MAP7: variants seen among roughly 807,000 people sequenced by gnomAD.
MAP7 encodes microtubule associated protein 7.
In MAP7, 52 loss-of-function variants were observed where a neutral mutation model predicts 94.8. The observed-to-expected ratio is 0.55, with a 90% CI of 0.44 to 0.69. The LOEUF is 0.69. MAP7 is among the 30% of genes least tolerant of loss of function. The pLI, the probability that MAP7 is intolerant of heterozygous loss-of-function variation, is 0.00. For synonymous variants in MAP7, 350 were observed against 357.0 expected (o/e 0.98, Z 0.22); for missense variants, 940 against 964.6 (o/e 0.97, Z 0.34).
intron 1 of MAP7, among the ~76,000 whole-genome samples, chr6:136,443,741 C>G (rs114816199): frequency 2.0e-5 from 3 of 152,046 alleles, no homozygotes; most frequent in Non-Finnish European, 2.9e-5. Context: ...TGAGCCACCA[C>G]GCCTGGCCCC....
At chr6:136,540,412 G>A (rs1202821859) in intron 1 of MAP7, among the ~76,000 whole-genome samples, 1 of 149,228 alleles carries the variant, frequency 6.7e-6, no homozygotes, top group Non-Finnish European at 1.5e-5. Context: ...GAGGAAGGCA[G>A]TGTAGGAGCT....
intron 1 of MAP7, among the ~76,000 whole-genome samples, chr6:136,500,957 G>GA (rs142838544): frequency 0.12 from 17,637 of 151,608 alleles, 1,210 homozygotes; most frequent in East Asian, 0.15. Context: ...GAAAAAGACG[G>GA]AAAAAAAATA....
At chr6:136,385,485 T>C (rs1778952599) in intron 5 of MAP7, among the ~76,000 whole-genome samples, 1 of 152,150 alleles carries the variant, frequency 6.6e-6, no homozygotes, top group African/African-American at 2.4e-5. Context: ...TATGCTTTAG[T>C]TGGGGGAAAA....
chr6:136,523,528 C>T (rs1436625575), intron 1 of MAP7, among the ~76,000 whole-genome samples: 1 of 152,192 alleles, frequency 6.6e-6, no homozygotes, highest in African/African-American at 2.4e-5. Flanking sequence ...GTGAATATTC[C>T]TATTGTTAAG....
intron 1 of MAP7, among the ~76,000 whole-genome samples, chr6:136,469,443 G>A (rs1421182042): frequency 1.3e-5 from 2 of 151,900 alleles, no homozygotes; most frequent in African/African-American, 2.4e-5. Context: ...GTGCAGTGGT[G>A]TGATCTTGGC....
At chr6:136,420,089 A>G (rs938443452) in intron 2 of MAP7, 3 of 850,620 alleles carry the variant, frequency 3.5e-6, no homozygotes, top group South Asian at 1.3e-5. Flanking sequence ...TCAGTCTCCA[A>G]CTTAAAGGAA....
rs766554059 is a variant in MAP7 at position 136,372,517 on chromosome 6, A to T, written c.860T>A (p.Ile287Asn). 6.2e-7 allele frequency: 1 copy of T among 1,614,088 alleles called. No individual in the cohort carries two copies. The highest frequency in any genetic ancestry group is 2.2e-5 in the East Asian group (1 of 44,868). ...TPPEGSSRRR[I>N]IHGTASYKKE... ...GCTACTCACCGCTGTGCCATGAATGATCCTCCTGCGAGAAGAGCCCTCAGG... is the reference window on the plus strand; with the variant it reads ...GCTACTCACCGCTGTGCCATGAATGTTCCTCCTGCGAGAAGAGCCCTCAGG... Residue 287 changes from isoleucine (I) to asparagine (N), a missense_variant, in exon 8 of 18, where the codon ATC becomes AAC. Ile to Asn is a moderately radical substitution (Grantham distance 149). Transcript: ENST00000354570.
At chr6:136,522,907 T>C (rs1003839918) in intron 1 of MAP7, among the ~76,000 whole-genome samples, 39 of 152,154 alleles carry the variant, frequency 2.6e-4, no homozygotes, top group African/African-American at 9.2e-4. Context: ...TGGTGGCATG[T>C]GCCTGTAATT....
At chr6:136,389,243 T>A in intron 4 of MAP7, 111 bp downstream of exon 4, 10 of 1,460,042 alleles carry the variant, frequency 6.8e-6, no homozygotes, top group Non-Finnish European at 9.0e-6. Context: ...AGCTGATCAC[T>A]CTGAAACCAT....
intron 3 of MAP7, among the ~76,000 whole-genome samples, chr6:136,404,069 A>G (rs964591841): frequency 1.3e-5 from 2 of 151,964 alleles, no homozygotes; most frequent in African/African-American, 4.8e-5. Flanking sequence ...TTTTTCCTGG[A>G]CAGTCTCTAA....
intron 1 of MAP7, among the ~76,000 whole-genome samples, chr6:136,500,197 A>G (rs1819450774): frequency 6.6e-6 from 1 of 152,230 alleles, no homozygotes; most frequent in Non-Finnish European, 1.5e-5. Context: ...AAATTAAATT[A>G]TCTATACAAA....
chr6:136,360,861 G>C, intron 12 of MAP7, 63 bp from the exon 13 acceptor site: 1 of 1,580,350 alleles, frequency 6.3e-7, no homozygotes, highest in Non-Finnish European at 8.6e-7. Context: ...TCTCCCAGGG[G>C]GTGCCCAGAG....
intron 2 of MAP7, among the ~76,000 whole-genome samples, chr6:136,417,504 T>C (rs1789881990): frequency 6.6e-6 from 1 of 152,228 alleles, no homozygotes; most frequent in Non-Finnish European, 1.5e-5. Context: ...CTACAGTAAA[T>C]ACTTCTGTAT....
chr6:136,514,033 C>T (rs957645881), intron 1 of MAP7, among the ~76,000 whole-genome samples: 1 of 152,148 alleles, frequency 6.6e-6, no homozygotes, highest in South Asian at 2.1e-4. Context: ...TGGTGCCATC[C>T]CCGCTGGAGT....
At chr6:136,393,800 T>C (rs1355356664) in intron 3 of MAP7, among the ~76,000 whole-genome samples, 2 of 5,924 alleles carry the variant, frequency 3.4e-4, no homozygotes, top group African/African-American at 7.4e-4. Context: ...TCAGCAAAAT[T>C]TTTTTTTTTT....
At chr6:136,458,622 T>C (rs1217620912) in intron 1 of MAP7, among the ~76,000 whole-genome samples, 1 of 152,010 alleles carries the variant, frequency 6.6e-6, no homozygotes. Context: ...CACAAATATA[T>C]GGTCAACTGA....
At chr6:136,435,743 A>G (rs1421004984) in intron 1 of MAP7, among the ~76,000 whole-genome samples, 1 of 152,220 alleles carries the variant, frequency 6.6e-6, no homozygotes, top group Non-Finnish European at 1.5e-5. Context: ...GAGAAAAATT[A>G]TAGTTGGCTG....
intron 1 of MAP7, among the ~76,000 whole-genome samples, chr6:136,479,004 G>GAAAAA (rs1811895928): frequency 1.8e-5 from 2 of 113,506 alleles, no homozygotes; most frequent in East Asian, 5.4e-4. Flanking sequence ...AAGAAAGAAA[G>GAAAAA]AAAAGAAAAA....
At position 136,361,038 on chromosome 6, in the gene MAP7, G is replaced by C; in HGVS notation, c.1668C>G (p.Arg556=). ...GGGCGCGCTCTGCCTCCTCCCGCTC[G>C]CGCAGCGCCCGCTCCTCCGCCTGCC... ...LQRQAEERAL[R]EREEAERAQR... The change falls in exon 12 of 18, where the codon CGC becomes CGG. Residue 556 remains arginine (R), a synonymous_variant. Transcript: ENST00000354570. 1 of 1,581,890 alleles carries C rather than the reference G, an allele frequency of 6.3e-7. No homozygotes were observed. The highest frequency in any genetic ancestry group is 8.5e-7 in the Non-Finnish European group (1 of 1,170,174).
Sources: gnomAD v4.1 joint callset for allele counts (sites outside exome capture counted in the v4.1 genomes callset) on GRCh38, gnomAD v4.1.1 for gene constraint, MANE v1.5 for transcripts, NCBI Gene and HGNC (gene_info 2026-07-23, HGNC 2026-07-21) for gene names.